FCRL6: variants seen among roughly 807,000 people sequenced by gnomAD.
The protein encoded by FCRL6 is Fc receptor-like protein 6.
FCRL6 carries 50 observed loss-of-function variants against 49.1 expected under a neutral mutation model. That is an observed-to-expected ratio of 1.02 (90% CI 0.81 to 1.29). The LOEUF is 1.29. Among genes scored for constraint, FCRL6 ranks in the 50% most tolerant of loss-of-function variants. The pLI is 0.00. For missense variants in FCRL6, 571 were observed against 518.5 expected (o/e 1.10, Z -0.98); for synonymous variants, 213 against 199.6 (o/e 1.07, Z -0.57).
intron 7 of FCRL6, 71 bp from the exon 8 acceptor site, chr1:159,814,150 T>A (rs1274282679): frequency 7.1e-7 from 1 of 1,415,422 alleles, no homozygotes; most frequent in Non-Finnish European, 1.0e-6. Flanking sequence ...TCTCTCCATG[T>A]CTTCAGGACA....
chr1:159,802,231 C>A (rs576682216), upstream of FCRL6: 30 of 560,528 alleles, frequency 5.4e-5, no homozygotes, highest in African/African-American at 4.9e-4. Context: ...TGTAATACTT[C>A]TTCAACCAAA....
chr1:159,808,551 C>T (rs1662865392), intron 3 of FCRL6, 107 bp downstream of exon 3: 3 of 1,387,996 alleles, frequency 2.2e-6, no homozygotes, highest in Non-Finnish European at 3.0e-6. Context: ...GGCTGCCCCT[C>T]ATGCTGGGCC....
chr1:159,807,832 G>A (rs1426482433), intron 2 of FCRL6, among the ~76,000 whole-genome samples: 2 of 152,062 alleles, frequency 1.3e-5, no homozygotes, highest in African/African-American at 4.8e-5. Flanking sequence ...ATTAAGCCAA[G>A]CTTGGCAAGG....
intron 8 of FCRL6, among the ~76,000 whole-genome samples, chr1:159,815,073 T>C (rs1663314733): frequency 6.6e-6 from 1 of 152,234 alleles, no homozygotes; most frequent in Non-Finnish European, 1.5e-5. Flanking sequence ...GTTGTTGCTG[T>C]CGTTTTAATG....
chr1:159,808,483 CT>C (rs1408826822), intron 3 of FCRL6, 39 bp downstream of exon 3: 1 of 1,612,702 alleles, frequency 6.2e-7, no homozygotes. Flanking sequence ...GCAGGAGGTG[CT>C]GCTCAAGGGT....
intron 1 of FCRL6, 97 bp downstream of exon 1, chr1:159,802,552 G>T: frequency 8.8e-7 from 1 of 1,132,238 alleles, no homozygotes; most frequent in Non-Finnish European, 1.3e-6. Flanking sequence ...CCCAATTCCA[G>T]TGGGTTTGTG....
rs1249255235 is a variant in FCRL6, at chr1:159,809,386, C to A, written c.605-16C>A. 9.5e-6 allele frequency: 15 copies of A among 1,576,546 alleles called. No individual in the cohort carries two copies. Among genetic ancestry groups the A allele is most frequent in the South Asian group, 4.7e-5 (4 of 84,294 alleles). ...TGGGTGGTCAGGCTGAGCCTCCCAC[C>A]CCATGTGTGTCCCAGCTCCTGTATC... On this transcript the variant is annotated splice_polypyrimidine_tract_variant and intron_variant, in intron 4 of 9. Coordinates refer to ENST00000368106, the MANE Select transcript of FCRL6 (RefSeq NM_001004310.3).
intron 6 of FCRL6, 42 bp from the exon 7 acceptor site, chr1:159,813,447 C>G: frequency 6.4e-7 from 1 of 1,566,792 alleles, no homozygotes; most frequent in Non-Finnish European, 8.8e-7. Flanking sequence ...CCCACCTGCC[C>G]TCTAAGGGAC....
At chr1:159,813,634 C>A in intron 7 of FCRL6, 80 bp downstream of exon 7, 2 of 1,230,508 alleles carry the variant, frequency 1.6e-6, no homozygotes, top group Non-Finnish European at 2.4e-6. Flanking sequence ...GGGAGCTCTC[C>A]AGAGCCCTGT....
Position 159,809,083 on chromosome 1 carries a change from T to C in FCRL6, c.442T>C (p.Ser148Pro). ...GAGGTCAGCCTTGAGGCTCCTTTTC[T>C]CCTTCCACAAGGACGGCCACACCTT... ...PLRSALRLLF[S>P]FHKDGHTLQD... Residue 148 changes from serine to proline, a missense_variant, in exon 4 of 10, where the codon TCC becomes CCC. Physicochemically the swap from Ser to Pro is moderately conservative, Grantham distance 74. Transcript: ENST00000368106. 1 of 1,613,988 alleles carries C rather than the reference T, an allele frequency of 6.2e-7. No individual in the cohort carries two copies. The highest frequency in any genetic ancestry group is 1.1e-5 in the South Asian group (1 of 91,078).
At chr1:159,808,498 G>A (rs559398248) in intron 3 of FCRL6, 54 bp downstream of exon 3, 132 of 1,601,864 alleles carry the variant, frequency 8.2e-5, no homozygotes, top group Middle Eastern at 6.6e-4. Context: ...CAAGGGTCCC[G>A]TTTCTAGAGG....
At position 159,813,566 on chromosome 1, in the gene FCRL6, C is replaced by G; in HGVS notation, c.1075+12C>G. 6.2e-7 allele frequency: 1 copy of G among 1,613,134 alleles called. No individual in the cohort carries two copies. ...ACTATATGCCAACGGTAAGGACTTC[C>G]AGCAGGATGGTGGTGTGCCCATGTG... On this transcript the variant is annotated intron_variant, in intron 7 of 9. Coordinates refer to ENST00000368106, the MANE Select transcript of FCRL6 (RefSeq NM_001004310.3).
At chr1:159,804,199 C>T (rs902115197) in intron 1 of FCRL6, among the ~76,000 whole-genome samples, 2 of 152,202 alleles carry the variant, frequency 1.3e-5, no homozygotes, top group Non-Finnish European at 2.9e-5. Context: ...CTTGGCACTG[C>T]AGCCTGTTCC....
intron 7 of FCRL6, 134 bp from the exon 8 acceptor site, chr1:159,814,087 T>C: frequency 1.3e-6 from 1 of 791,744 alleles, no homozygotes; most frequent in Non-Finnish European, 2.1e-6. Flanking sequence ...ATCCCCACAT[T>C]AGTGACCAAC....
At position 159,808,378 on chromosome 1, in the gene FCRL6, G is replaced by T; in HGVS notation, c.253G>T (p.Gly85Trp). Reference sequence around the variant, plus strand: ...GAGCCGTGGCCAGTACAGCTGCTCTGGGCAGGTGATGTATATTCCACAGAC... The same window carrying T: ...GAGCCGTGGCCAGTACAGCTGCTCTTGGCAGGTGATGTATATTCCACAGAC... Reference protein sequence around the residue: ...VQSRGQYSCSGQVMYIPQTFT... With the variant: ...VQSRGQYSCSWQVMYIPQTFT... The change falls in exon 3 of 10, where the codon GGG becomes TGG. Residue 85 changes from glycine (G) to tryptophan (W), a missense_variant. Physicochemically the swap from Gly to Trp is radical, Grantham distance 184. Coordinates refer to ENST00000368106, the MANE Select transcript of FCRL6 (RefSeq NM_001004310.3). 1 of 1,614,184 alleles carries T rather than the reference G, an allele frequency of 6.2e-7. No individual in the cohort carries two copies. The highest frequency in any genetic ancestry group is 8.5e-7 in the Non-Finnish European group (1 of 1,180,026).
chr1:159,806,529 A>G (rs888187954), intron 1 of FCRL6, 67 bp from the exon 2 acceptor site: 1 of 1,438,774 alleles, frequency 7.0e-7, no homozygotes, highest in East Asian at 2.3e-5. Context: ...TGCTGAAGTG[A>G]CAGGCCTCCT....
Position 159,815,919 on chromosome 1 carries a change from G to T in FCRL6, c.*258G>T. On this transcript the variant is annotated 3_prime_UTR_variant, in exon 10 of 10. Coordinates refer to ENST00000368106, the MANE Select transcript of FCRL6 (RefSeq NM_001004310.3). ...TCAATCAGTGACACTGGACACATAA[G>T]CCACAGATGTCTTCTTTCCATACAA... The T allele has an allele frequency of 2.3e-6, 1 of 440,336 alleles. No individual in the cohort carries two copies. The highest frequency in any genetic ancestry group is 4.2e-6 in the Non-Finnish European group (1 of 237,426). The allele number at this position is 440,336 out of a possible 1,614,324, so 27.3% of individuals were successfully genotyped here.
At position 159,809,458 on chromosome 1, in the gene FCRL6, G is replaced by A. The variant is rs1266362480; in HGVS notation, c.661G>A (p.Gly221Arg). Residue 221 changes from glycine (G) to arginine (R), a missense_variant, in exon 5 of 10, where the codon GGG becomes AGG. Gly to Arg is a moderately radical substitution (Grantham distance 125). Transcript: ENST00000368106. ...CCACGGGCCTGCTGACCCTGCTGTG[G>A]GGGACATGGTGCAGCTCCTCTGTGA... Reference protein sequence around the residue: ...LHHGPADPAVGDMVQLLCEAQ... With the variant: ...LHHGPADPAVRDMVQLLCEAQ... 1.9e-6 allele frequency: 3 copies of A among 1,613,776 alleles called. No homozygotes were observed. Among genetic ancestry groups the A allele is most frequent in the Non-Finnish European group, 2.5e-6 (3 of 1,179,840 alleles).
rs938939043 is a variant in FCRL6 at position 159,802,546 on chromosome 1, A to G, written c.31+91A>G. ...CAAGTTCCTCATCTTACCTTTCCCA[A>G]TTCCAGTGGGTTTGTGGCTGGAGCT... On this transcript the variant is annotated intron_variant, in intron 1 of 9. Transcript: ENST00000368106. The G allele has an allele frequency of 1.4e-5, 17 of 1,189,576 alleles. No individual in the cohort carries two copies. The African/African-American group carries it at 1.5e-4, about 11-fold the overall frequency. The allele number at this position is 1,189,576 out of a possible 1,614,324, so 73.7% of individuals were successfully genotyped here.
Sources: gnomAD v4.1 joint callset for allele counts (sites outside exome capture counted in the v4.1 genomes callset) on GRCh38, gnomAD v4.1.1 for gene constraint, MANE v1.5 for transcripts, NCBI Gene and HGNC (gene_info 2026-07-23, HGNC 2026-07-21) for gene names.